Variants in MYBPC1 observed in about 807,000 individuals in gnomAD.
The protein encoded by MYBPC1 is myosin binding protein C1.
In MYBPC1, 52 loss-of-function variants were observed where a neutral mutation model predicts 147.1. The observed-to-expected ratio is 0.35, with a 90% CI of 0.28 to 0.45. The LOEUF (loss-of-function observed/expected upper bound fraction) is 0.45, where lower values mean the gene tolerates loss of function less well. Ranked by LOEUF, MYBPC1 falls within the 20% of genes least tolerant of loss-of-function variation. The pLI, the probability that MYBPC1 is intolerant of heterozygous loss-of-function variation, is 1.00. For missense variants in MYBPC1, 1,228 were observed against 1,440.3 expected, an observed-to-expected ratio of 0.85 and a Z score of 2.39; for synonymous variants, 477 against 475.9, an observed-to-expected ratio of 1.00 and a Z score of -0.03.
Position 101,644,251 on chromosome 12 carries a change from G to A in MYBPC1, c.833-413G>A, listed in dbSNP as rs1264476384. ...AGGGTTTCCCCATGTTGGCCAGGCC[G>A]GTTTCGATCTCCTGGCCTCAAGTGA... is the stretch of plus-strand genomic sequence containing the variant. On this transcript the variant is annotated intron_variant, in intron 11 of 31. Transcript: ENST00000361466. 3.9e-5 allele frequency among the ~76,000 whole-genome samples: 6 copies of A among 151,996 alleles called. No homozygotes were observed. In the South Asian group the frequency reaches 6.2e-4, roughly 16 times the overall value.
rs1481287405 is a variant in MYBPC1, at chr12:101,644,770, T to C, written c.939T>C (p.Asn313=). 4 of 1,614,038 alleles carry C rather than the reference T, an allele frequency of 2.5e-6. No homozygotes were observed. The highest frequency in any genetic ancestry group is 3.3e-5 in the Admixed American group (2 of 60,026). The stretch of plus-strand genomic sequence containing the variant: ...AGTTGGAGGTGAAATGGTATAAAAA[T>C]GGTCAAGAAATTCGACCCAGTACCA... ...DPKLEVKWYK[N]GQEIRPSTKY... Residue 313 remains asparagine, a synonymous_variant, in exon 12 of 32, where the codon AAT becomes AAC. Transcript: ENST00000361466.
chr12:101,647,380 C>T lies in MYBPC1; in HGVS notation c.1090+493C>T, dbSNP rs569889844. On this transcript the variant is annotated intron_variant, in intron 13 of 31. Transcript: ENST00000361466. Reference sequence around the variant, plus strand: ...TCTGTCATCCATCTGGAACTAGGATCAAAGATTTGAGTTTTATATATTCTC... The same window carrying T: ...TCTGTCATCCATCTGGAACTAGGATTAAAGATTTGAGTTTTATATATTCTC... Among the ~76,000 whole-genome samples the T allele has an allele frequency of 5.3e-5, 8 of 152,288 alleles. No homozygotes were observed. The East Asian group carries it at 1.3e-3, about 26-fold the overall frequency.
In MYBPC1 at chr12:101,678,088, T is replaced by C. The variant is rs750205090; in HGVS notation, c.3110-14T>C. The C allele has an allele frequency of 1.2e-5, 19 of 1,609,846 alleles. No homozygotes were observed. The highest frequency in any genetic ancestry group is 1.5e-5 in the Non-Finnish European group (18 of 1,176,112). On this transcript the variant is annotated splice_polypyrimidine_tract_variant and intron_variant, in intron 27 of 31. Transcript: ENST00000361466. ...TTACATAATTTTAACATATTTGTAA[T>C]GCTTGTTTTTAAGGTAAAATCTACA... is the stretch of plus-strand genomic sequence containing the variant.
At chr12:101,680,600 A>G (rs1950876057) in intron 29 of MYBPC1, 71 bp downstream of exon 29, 1 of 1,574,876 alleles carries the variant, frequency 6.3e-7, no homozygotes, top group African/African-American at 1.3e-5. Flanking sequence ...CTTAATGCTT[A>G]TTGTTCTTAA....
At chr12:101,641,762 A>T (rs938922003) in intron 10 of MYBPC1, among the ~76,000 whole-genome samples, 9 of 152,160 alleles carry the variant, frequency 5.9e-5, no homozygotes, top group Admixed American at 3.3e-4. Context: ...TAGAAAAAAA[A>T]TTTTAAAACC....
intron 6 of MYBPC1, among the ~76,000 whole-genome samples, chr12:101,631,276 C>T (rs1282389730): frequency 5.3e-5 from 8 of 151,902 alleles, no homozygotes; most frequent in Admixed American, 5.2e-4. Context: ...CATATATGTC[C>T]ATATATATGA....
rs1489636174 is a variant in MYBPC1, at chr12:101,629,425, G to T, written c.179-9G>T. 1.9e-6 allele frequency: 3 copies of T among 1,578,602 alleles called. No individual in the cohort carries two copies. Among genetic ancestry groups the T allele is most frequent in the African/African-American group, 2.7e-5 (2 of 74,112 alleles). Reference sequence around the variant, plus strand: ...TGAAATAATCCTTTTCCTCCTTTCTGCTCATCAGACTGGACCCTTGTCGAA... The same window carrying T: ...TGAAATAATCCTTTTCCTCCTTTCTTCTCATCAGACTGGACCCTTGTCGAA... On this transcript the variant is annotated splice_polypyrimidine_tract_variant and intron_variant, in intron 5 of 31. Coordinates refer to ENST00000361466, the MANE Select transcript of MYBPC1 (RefSeq NM_002465.4).
the MYBPC1 span, among the ~76,000 whole-genome samples, chr12:101,694,969 T>C: frequency 6.6e-6 from 1 of 152,360 alleles, no homozygotes; most frequent in South Asian, 2.1e-4. Context: ...ATGAGTATTC[T>C]TATACTTATC....
At chr12:101,612,494 G>T (rs1884652057) in intron 1 of MYBPC1, among the ~76,000 whole-genome samples, 1 of 152,188 alleles carries the variant, frequency 6.6e-6, no homozygotes, top group African/African-American at 2.4e-5. Context: ...GGGAGAGAAA[G>T]AAGTGCCCAT....
chr12:101,605,229 A>T (rs971395847), intron 1 of MYBPC1, among the ~76,000 whole-genome samples: 2 of 152,208 alleles, frequency 1.3e-5, no homozygotes, highest in African/African-American at 4.8e-5. Context: ...TGTCTCTATT[A>T]TGGTGCACTT....
At chr12:101,657,738 G>A (rs1387148252) in intron 18 of MYBPC1, among the ~76,000 whole-genome samples, 1 of 152,146 alleles carries the variant, frequency 6.6e-6, no homozygotes, top group East Asian at 1.9e-4. Context: ...GCCCCAATGG[G>A]TTTGTTGGTA....
At chr12:101,595,230 TA>T in intron 1 of MYBPC1, 135 bp downstream of exon 1, 1 of 840,678 alleles carries the variant, frequency 1.2e-6, no homozygotes, top group South Asian at 1.5e-5. Flanking sequence ...AACGATCTTT[TA>T]GATTAAACAG....
At chr12:101,648,216 A>G (rs1289421715) in intron 14 of MYBPC1, 66 bp downstream of exon 14, 1 of 1,114,496 alleles carries the variant, frequency 9.0e-7, no homozygotes, top group African/African-American at 1.6e-5. Context: ...CATAGTTGAT[A>G]GAACAGGAAG....
chr12:101,683,172 A>G (rs1370419776), intron 30 of MYBPC1, among the ~76,000 whole-genome samples: 2 of 152,130 alleles, frequency 1.3e-5, no homozygotes, highest in African/African-American at 4.8e-5. Context: ...GTTCTCGCCT[A>G]TAATCCCAGC....
rs894586866 is a variant in MYBPC1 at position 101,667,977 on chromosome 12, C to G, written c.2524+78C>G. ...TTTTTCTTCAAACTACTTTCTTTCTCAAAACCTCCTATTTTGTTGTTACTC... is the reference window on the plus strand; with the variant it reads ...TTTTTCTTCAAACTACTTTCTTTCTGAAAACCTCCTATTTTGTTGTTACTC... On this transcript the variant is annotated intron_variant, in intron 23 of 31. Transcript: ENST00000361466. 4.7e-6 allele frequency: 7 copies of G among 1,488,220 alleles called. No individual in the cohort carries two copies. In the Admixed American group the frequency reaches 1.4e-4, roughly 29 times the overall value. The allele number at this position is 1,488,220 out of a possible 1,614,324, so 92.2% of individuals were successfully genotyped here. A position where few individuals can be genotyped will look rare whatever the true frequency, so the allele number is the denominator to read the frequency against.
chr12:101,674,072 T>C (rs1219675590), intron 25 of MYBPC1, among the ~76,000 whole-genome samples: 2 of 152,044 alleles, frequency 1.3e-5, no homozygotes, highest in Non-Finnish European at 2.9e-5. Context: ...GACAGTAAGA[T>C]TTGTTACCAT....
At position 101,629,451 on chromosome 12, in the gene MYBPC1, A is replaced by C. The variant is rs766677111; in HGVS notation, c.196A>C (p.Thr66Pro). ...CTCATCAGACTGGACCCTTGTCGAA[A>C]CTCCTCCTGGGGAGGAACAAGCCAA... ...RKDSDWTLVE[T>P]PPGEEQAKQN... Residue 66 changes from threonine (T) to proline (P), a missense_variant, in exon 6 of 32, where the codon ACT becomes CCT. Physicochemically the swap from Thr to Pro is conservative, Grantham distance 38 (BLOSUM62 -1). Coordinates refer to ENST00000361466, the MANE Select transcript of MYBPC1 (RefSeq NM_002465.4). The C allele has an allele frequency of 4.3e-6, 7 of 1,612,194 alleles. No individual in the cohort carries two copies. Among genetic ancestry groups the C allele is most frequent in the Non-Finnish European group, 5.9e-6 (7 of 1,178,498 alleles).
intron 10 of MYBPC1, 85 bp from the exon 11 acceptor site, chr12:101,642,334 T>G: frequency 1.4e-6 from 2 of 1,446,026 alleles, no homozygotes; most frequent in Non-Finnish European, 1.9e-6. Context: ...TACACTGAAC[T>G]GAAAAAGCAG....
chr12:101,640,155 G>A (rs1891739872), intron 10 of MYBPC1, among the ~76,000 whole-genome samples: 1 of 152,066 alleles, frequency 6.6e-6, no homozygotes. Flanking sequence ...GGGATGACAG[G>A]CATGCGCCAC....
Sources: gnomAD v4.1 joint callset for allele counts (sites outside exome capture counted in the v4.1 genomes callset) on GRCh38, gnomAD v4.1.1 for gene constraint, MANE v1.5 for transcripts, NCBI Gene and HGNC (gene_info 2026-07-23, HGNC 2026-07-21) for gene names.